Variants in CLRN1 observed in about 807,000 individuals in gnomAD.
CLRN1 encodes the protein clarin 1, also known as clarin-1.
CLRN1 carries 15 observed loss-of-function variants against 18.7 expected under a neutral mutation model. That is an observed-to-expected ratio of 0.80 (90% CI 0.54 to 1.23). The LOEUF (loss-of-function observed/expected upper bound fraction) is 1.23. CLRN1 is among the 50% of genes most tolerant of loss of function. The probability of loss-of-function intolerance (pLI) is 0.00; values close to 1 mark genes in which losing one functional copy is unlikely to be tolerated. For missense variants in CLRN1, 311 were observed against 277.5 expected, an observed-to-expected ratio of 1.12 and a Z score of -0.86; for synonymous variants, 104 against 102.9, an observed-to-expected ratio of 1.01 and a Z score of -0.07.
intron 2 of CLRN1, among the ~76,000 whole-genome samples, chr3:150,937,892 T>C (rs890381347): frequency 6.6e-6 from 1 of 152,004 alleles, no homozygotes; most frequent in Non-Finnish European, 1.5e-5. Flanking sequence ...ATGCACCACA[T>C]CGGGAGACAT....
At chr3:150,961,844 T>A (rs1486038856) in intron 1 of CLRN1, among the ~76,000 whole-genome samples, 1 of 152,168 alleles carries the variant, frequency 6.6e-6, no homozygotes, top group East Asian at 1.9e-4. Flanking sequence ...TCATCTCCTT[T>A]AATATCACCC....
At chr3:150,950,953 T>C (rs1370914990) in intron 1 of CLRN1, among the ~76,000 whole-genome samples, 1 of 152,222 alleles carries the variant, frequency 6.6e-6, no homozygotes, top group Non-Finnish European at 1.5e-5. Flanking sequence ...CATGGAATAC[T>C]ATGCAGCAAT....
intron 1 of CLRN1, among the ~76,000 whole-genome samples, chr3:150,968,172 T>C (rs1576648283): frequency 6.6e-6 from 1 of 152,344 alleles, no homozygotes; most frequent in Admixed American, 6.5e-5. Context: ...GAATGATTGA[T>C]ACCATATGAT....
intron 1 of CLRN1, among the ~76,000 whole-genome samples, chr3:150,946,557 CT>C (rs35932727): frequency 0.59 from 88,549 of 150,742 alleles, 26,868 homozygotes; most frequent in Non-Finnish European, 0.68. Flanking sequence ...TACAAAAATA[CT>C]TTTTTTTTAA....
chr3:150,972,626 A>G lies in CLRN1; in HGVS notation c.83T>C (p.Leu28Ser), dbSNP rs367559197. Residue 28 changes from leucine to serine, a missense_variant, in exon 1 of 3, where the codon TTG becomes TCG. Transcript: ENST00000327047. ...GGCTTTGATCCACAACGGTGTCCCC[A>G]AGGCTGTCACAACTCCGAGGGCACA... is the stretch of plus-strand genomic sequence containing the variant. ...FACALGVVTALGTPLWIKATV... is the reference protein window; with the variant it reads ...FACALGVVTASGTPLWIKATV... The G allele has an allele frequency of 1.9e-6, 3 of 1,614,238 alleles. No homozygotes were observed. Among genetic ancestry groups the G allele is most frequent in the East Asian group, 2.2e-5 (1 of 44,892 alleles).
chr3:150,941,687 C>A lies in CLRN1; in HGVS notation c.328G>T (p.Val110Leu), dbSNP rs1391517226. Residue 110 changes from valine (V) to leucine (L), a missense_variant, in exon 2 of 3, where the codon GTG becomes TTG. Val to Leu is a conservative substitution (Grantham distance 32). Transcript: ENST00000327047. ...AAGGCTGTCCCCACCATGGTTAACACAATAAGGATGGCAGAGAAGAGAATG... is the reference window on the plus strand; with the variant it reads ...AAGGCTGTCCCCACCATGGTTAACAAAATAAGGATGGCAGAGAAGAGAATG... ...NVILFSAILI[V>L]LTMVGTAFFM... 7 of 1,613,848 alleles carry A rather than the reference C, an allele frequency of 4.3e-6. No homozygotes were observed. The highest frequency in any genetic ancestry group is 5.9e-6 in the Non-Finnish European group (7 of 1,179,934).
intron 1 of CLRN1, among the ~76,000 whole-genome samples, chr3:150,964,458 G>A (rs1178551731): frequency 1.3e-5 from 2 of 152,196 alleles, no homozygotes; most frequent in East Asian, 3.9e-4. Context: ...CTGTTGGTGG[G>A]AGTGTAAACT....
intron 1 of CLRN1, chr3:150,945,446 G>C: frequency 8.4e-7 from 1 of 1,185,712 alleles, no homozygotes; most frequent in Non-Finnish European, 1.1e-6. Context: ...TGCTGGAAGG[G>C]GGCCAGGAGA....
At chr3:150,951,245 A>G (rs1393589948) in intron 1 of CLRN1, among the ~76,000 whole-genome samples, 1 of 152,144 alleles carries the variant, frequency 6.6e-6, no homozygotes, top group Non-Finnish European at 1.5e-5. Context: ...GGTACCCCCA[A>G]ACGTAAAAGT....
intron 1 of CLRN1, among the ~76,000 whole-genome samples, chr3:150,955,491 A>G (rs1238027731): frequency 6.6e-6 from 1 of 152,160 alleles, no homozygotes; most frequent in East Asian, 1.9e-4. Context: ...TAGTAGCAAG[A>G]GGGGGTGATA....
intron 1 of CLRN1, chr3:150,945,720 A>G (rs1249675485): frequency 3.8e-6 from 4 of 1,052,828 alleles, no homozygotes; most frequent in Non-Finnish European, 5.0e-6. Flanking sequence ...ACTTTGAGAT[A>G]CCATTTTCAA....
chr3:150,963,500 T>C (rs1400200092), intron 1 of CLRN1, among the ~76,000 whole-genome samples: 1 of 152,144 alleles, frequency 6.6e-6, no homozygotes, highest in Non-Finnish European at 1.5e-5. Context: ...CAAAGTAACT[T>C]ATAGATTCAA....
chr3:150,968,625 C>A (rs1382849250), intron 1 of CLRN1, among the ~76,000 whole-genome samples: 2 of 152,142 alleles, frequency 1.3e-5, no homozygotes, highest in East Asian at 3.8e-4. Flanking sequence ...TTTTCTGGTC[C>A]ATTTTTCATT....
At position 150,927,699 on chromosome 3, in the gene CLRN1, A is replaced by C. The variant is rs551906153; in HGVS notation, c.*237T>G. The C allele has an allele frequency of 1.5e-6, 1 of 658,774 alleles. No individual in the cohort carries two copies. The highest frequency in any genetic ancestry group is 1.8e-5 in the African/African-American group (1 of 56,476). 40.8% of individuals were successfully genotyped at this position (658,774 alleles called of 1,614,324 possible). A position where few individuals can be genotyped will look rare whatever the true frequency, so the allele number is the denominator to read the frequency against. ...AGTAACAATTTGTCGATTCTAGTCA[A>C]CTGCCTTTGACTACCTGGGTCAAGC... is the stretch of plus-strand genomic sequence containing the variant. On this transcript the variant is annotated 3_prime_UTR_variant, in exon 3 of 3. Transcript: ENST00000327047.
intron 2 of CLRN1, among the ~76,000 whole-genome samples, chr3:150,935,107 A>T (rs1713384944): frequency 6.6e-6 from 1 of 150,938 alleles, no homozygotes. Context: ...TTCTTCAGGA[A>T]TTGGTCCTAC....
chr3:150,927,801 G>C lies in CLRN1; in HGVS notation c.*135C>G. The C allele has an allele frequency of 8.9e-7, 1 of 1,122,398 alleles. No homozygotes were observed. Among genetic ancestry groups the C allele is most frequent in the Non-Finnish European group, 1.3e-6 (1 of 751,270 alleles). 69.5% of individuals were successfully genotyped at this position (1,122,398 alleles called of 1,614,324 possible). A position where few individuals can be genotyped will look rare whatever the true frequency, so the allele number is the denominator to read the frequency against. On this transcript the variant is annotated 3_prime_UTR_variant, in exon 3 of 3. Transcript: ENST00000327047. ...ACTTTCCAGCCTGTATCCTTAGTACGTAATTTGTAAACATTGTCACGAAGG... is the reference window on the plus strand; with the variant it reads ...ACTTTCCAGCCTGTATCCTTAGTACCTAATTTGTAAACATTGTCACGAAGG...
At chr3:150,959,272 T>C (rs180803905) in intron 1 of CLRN1, among the ~76,000 whole-genome samples, 25 of 152,266 alleles carry the variant, frequency 1.6e-4, no homozygotes, top group Non-Finnish European at 2.4e-4. Context: ...GGTGGGAGCA[T>C]TGAAGGCACA....
chr3:150,961,868 C>T (rs549398500), intron 1 of CLRN1, among the ~76,000 whole-genome samples: 114 of 152,276 alleles, frequency 7.5e-4, no homozygotes, highest in Non-Finnish European at 1.2e-3. Flanking sequence ...ATCTCACACT[C>T]AGGTATTGAG....
intron 2 of CLRN1, among the ~76,000 whole-genome samples, chr3:150,938,673 G>A (rs1471015647): frequency 6.6e-6 from 1 of 152,092 alleles, no homozygotes; most frequent in African/African-American, 2.4e-5. Flanking sequence ...TAAAAACACT[G>A]GCCTTTATCC....
Sources: gnomAD v4.1 joint callset for allele counts (sites outside exome capture counted in the v4.1 genomes callset) on GRCh38, gnomAD v4.1.1 for gene constraint, MANE v1.5 for transcripts, NCBI Gene and HGNC (gene_info 2026-07-23, HGNC 2026-07-21) for gene names.